PTGFR: variants seen among roughly 807,000 people sequenced by gnomAD.
PTGFR encodes the protein prostaglandin F receptor, also known as prostaglandin F2-alpha receptor.
PTGFR carries 15 observed loss-of-function variants against 26.2 expected under a neutral mutation model. The observed-to-expected ratio is 0.57, with a 90% CI of 0.38 to 0.88. The LOEUF is 0.88. PTGFR is among the 40% of genes least tolerant of loss of function. The pLI is 0.00. For synonymous variants in PTGFR, 165 were observed against 151.1 expected (o/e 1.09, Z -0.68); for missense variants, 369 against 427.2 (o/e 0.86, Z 1.20).
rs566434060 is a variant in PTGFR, at chr1:78,511,022, A to G, written c.798+17481A>G. On this transcript the variant is annotated intron_variant, in intron 2 of 2. Coordinates refer to ENST00000370757, the MANE Select transcript of PTGFR (RefSeq NM_000959.4). ...GAGGTAGGCTCCCAAGGGCTGAGGAAAATTCATCCCTTTGGCTTTGCAGGG... is the reference window on the plus strand; with the variant it reads ...GAGGTAGGCTCCCAAGGGCTGAGGAGAATTCATCCCTTTGGCTTTGCAGGG... Among the ~76,000 whole-genome samples, 7 of 152,304 alleles carry G rather than the reference A, an allele frequency of 4.6e-5. No individual in the cohort carries two copies. The South Asian group carries it at 1.2e-3, about 27-fold the overall frequency.
At chr1:78,509,074 G>A (rs1649892618) in intron 2 of PTGFR, among the ~76,000 whole-genome samples, 1 of 152,018 alleles carries the variant, frequency 6.6e-6, no homozygotes, top group Admixed American at 6.6e-5. Context: ...CTCTTGGTTG[G>A]ACTCCGGAAT....
intron 2 of PTGFR, among the ~76,000 whole-genome samples, chr1:78,505,371 C>T (rs752299292): frequency 3.0e-4 from 46 of 152,206 alleles, no homozygotes; most frequent in Non-Finnish European, 6.3e-4. Flanking sequence ...GATCCACCCA[C>T]CTCGGCCTCC....
chr1:78,528,952 G>A (rs545205631), intron 2 of PTGFR, among the ~76,000 whole-genome samples: 3 of 152,192 alleles, frequency 2.0e-5, no homozygotes, highest in Admixed American at 6.5e-5. Context: ...AGAGGCTGAG[G>A]CACAGCGAAC....
chr1:78,522,198 C>G (rs1650259344), intron 2 of PTGFR, among the ~76,000 whole-genome samples: 1 of 152,046 alleles, frequency 6.6e-6, no homozygotes, highest in Non-Finnish European at 1.5e-5. Flanking sequence ...CCTGTGGCCC[C>G]TCTATGCACA....
intron 2 of PTGFR, among the ~76,000 whole-genome samples, chr1:78,527,418 A>T (rs1036224042): frequency 2.6e-5 from 4 of 152,140 alleles, no homozygotes; most frequent in Non-Finnish European, 5.9e-5. Flanking sequence ...TGTTATGCAA[A>T]TATACCAGTA....
At chr1:78,533,049 G>C (rs756656129) in intron 2 of PTGFR, among the ~76,000 whole-genome samples, 11 of 152,130 alleles carry the variant, frequency 7.2e-5, no homozygotes, top group Non-Finnish European at 1.5e-4. Context: ...TATAGAGTTA[G>C]TTTATTTCTG....
chr1:78,517,345 G>A (rs1650113037), intron 2 of PTGFR, among the ~76,000 whole-genome samples: 1 of 152,144 alleles, frequency 6.6e-6, no homozygotes, highest in African/African-American at 2.4e-5. Context: ...GTCTTCTGAA[G>A]GTGGTGGTTG....
At chr1:78,533,476 T>G (rs1025154075) in intron 2 of PTGFR, among the ~76,000 whole-genome samples, 12 of 152,186 alleles carry the variant, frequency 7.9e-5, no homozygotes, top group African/African-American at 2.9e-4. Flanking sequence ...GTCCTCTGTG[T>G]GCATAATAAA....
chr1:78,531,354 C>T (rs996762706), intron 2 of PTGFR, among the ~76,000 whole-genome samples: 1 of 152,096 alleles, frequency 6.6e-6, no homozygotes, highest in Non-Finnish European at 1.5e-5. Flanking sequence ...GTTCCCAAAC[C>T]CTTCTGGGAT....
At chr1:78,506,601 T>A (rs1413835613) in intron 2 of PTGFR, among the ~76,000 whole-genome samples, 1 of 152,080 alleles carries the variant, frequency 6.6e-6, no homozygotes, top group African/African-American at 2.4e-5. Flanking sequence ...TTTACCTTTT[T>A]CTATTTTAAT....
chr1:78,520,224 T>C (rs1215561866), intron 2 of PTGFR, among the ~76,000 whole-genome samples: 1 of 152,162 alleles, frequency 6.6e-6, no homozygotes, highest in African/African-American at 2.4e-5. Context: ...TCAGCCCATC[T>C]TCTTTATGAA....
intron 2 of PTGFR, among the ~76,000 whole-genome samples, chr1:78,496,340 T>C (rs1372105802): frequency 6.6e-6 from 1 of 152,200 alleles, no homozygotes; most frequent in Non-Finnish European, 1.5e-5. Flanking sequence ...CCACCTTGTA[T>C]TTTAAAAGCT....
At chr1:78,513,678 G>T (rs568431991) in intron 2 of PTGFR, among the ~76,000 whole-genome samples, 2 of 152,200 alleles carry the variant, frequency 1.3e-5, no homozygotes, top group Non-Finnish European at 2.9e-5. Flanking sequence ...AGATATTAGC[G>T]TGACTAAAAA....
chr1:78,530,041 A>G (rs1220425186), intron 2 of PTGFR, among the ~76,000 whole-genome samples: 1 of 152,178 alleles, frequency 6.6e-6, no homozygotes, highest in Non-Finnish European at 1.5e-5. Flanking sequence ...AAGGTTGGGG[A>G]CTGCTGGTCT....
intron 2 of PTGFR, among the ~76,000 whole-genome samples, chr1:78,519,196 A>G (rs1472191314): frequency 1.3e-5 from 2 of 152,162 alleles, no homozygotes; most frequent in Non-Finnish European, 2.9e-5. Context: ...TGGAAAGCTT[A>G]TCTCCCAAGT....
At position 78,533,129 on chromosome 1, in the gene PTGFR, T is replaced by C. The variant is rs181571395; in HGVS notation, c.799-3277T>C. 3.9e-5 allele frequency among the ~76,000 whole-genome samples: 6 copies of C among 152,302 alleles called. No homozygotes were observed. In the East Asian group the frequency reaches 1.2e-3, roughly 29 times the overall value. ...AGAGGTAGTGGTTTGCAAACCATTT[T>C]GTATGAAAAGCAGTTGAAGAACTAT... On this transcript the variant is annotated intron_variant, in intron 2 of 2. Transcript: ENST00000370757.
At chr1:78,524,822 T>A (rs1399288745) in intron 2 of PTGFR, among the ~76,000 whole-genome samples, 1 of 151,462 alleles carries the variant, frequency 6.6e-6, no homozygotes, top group Non-Finnish European at 1.5e-5. Context: ...TGTATCTTTC[T>A]ATAATAAAAT....
At chr1:78,524,411 T>C (rs972380087) in intron 2 of PTGFR, among the ~76,000 whole-genome samples, 15 of 152,138 alleles carry the variant, frequency 9.9e-5, no homozygotes, top group African/African-American at 3.1e-4. Context: ...ATTCGACTTA[T>C]AATAGATGCC....
At chr1:78,496,111 T>A (rs1394677873) in intron 2 of PTGFR, among the ~76,000 whole-genome samples, 1 of 152,224 alleles carries the variant, frequency 6.6e-6, no homozygotes, top group African/African-American at 2.4e-5. Context: ...AATTTCTGAC[T>A]GAAAGATTTT....
Sources: allele counts gnomAD v4.1 joint callset (sites outside exome capture counted in the v4.1 genomes callset), GRCh38; gene constraint gnomAD v4.1.1; transcripts MANE v1.5; gene names NCBI Gene and HGNC (gene_info 2026-07-23, HGNC 2026-07-21).